HMG20A: variants seen among roughly 807,000 people sequenced by gnomAD.
HMG20A encodes the protein high mobility group protein 20A.
Under a neutral mutation model 43.9 loss-of-function variants are expected in HMG20A, and 17 were observed. The ratio of observed to expected loss-of-function variants is 0.39; its 90% CI spans 0.27 to 0.58. HMG20A has a LOEUF of 0.58. Ranked by LOEUF, HMG20A falls within the 20% of genes least tolerant of loss-of-function variation. The probability of loss-of-function intolerance (pLI) is 0.59; values close to 1 mark genes in which losing one functional copy is unlikely to be tolerated. For synonymous variants in HMG20A, 132 were observed against 147.5 expected (o/e 0.89, Z 0.76); for missense variants, 341 against 438.2 (o/e 0.78, Z 1.98).
At chr15:77,456,302 AG>A (rs2072653667) in intron 1 of HMG20A, among the ~76,000 whole-genome samples, 1 of 152,146 alleles carries the variant, frequency 6.6e-6, no homozygotes, top group South Asian at 2.1e-4. Flanking sequence ...TCTTCTTTTG[AG>A]GCATGGGAGC....
At chr15:77,513,263 ACTT>A in the HMG20A span, among the ~76,000 whole-genome samples, 7 of 152,200 alleles carry the variant, frequency 4.6e-5, no homozygotes, top group Admixed American at 1.3e-4. Context: ...ATCTGCTTAA[ACTT>A]CTTCTCAAAT....
chr15:77,435,880 T>A (rs1015978705), intron 1 of HMG20A, among the ~76,000 whole-genome samples: 1 of 152,090 alleles, frequency 6.6e-6, no homozygotes, highest in African/African-American at 2.4e-5. Context: ...CCTACCTCTG[T>A]TCATGTCCTT....
chr15:77,431,307 G>A (rs2142275197), intron 1 of HMG20A, among the ~76,000 whole-genome samples: 1 of 152,296 alleles, frequency 6.6e-6, no homozygotes, highest in Non-Finnish European at 1.5e-5. Flanking sequence ...TGCCTCCTGT[G>A]TTCAAGCGAT....
In HMG20A at chr15:77,475,562, G is replaced by A. The variant is rs140004366; in HGVS notation, c.616-1993G>A. On this transcript the variant is annotated intron_variant, in intron 6 of 9. Transcript: ENST00000336216. ...CCATCTAACTGGCAGATATTGAGAC[G>A]TATAGCTTAGGTAACTGATCTCATG... 7.5e-4 allele frequency among the ~76,000 whole-genome samples: 115 copies of A among 152,344 alleles called. 1 individual carries two copies. In the East Asian group the frequency reaches 0.018, roughly 24 times the overall value.
At chr15:77,482,843 C>T (rs1386277386) in intron 9 of HMG20A, 127 bp from the exon 10 acceptor site, 2 of 152,178 alleles carry the variant, frequency 1.3e-5, no homozygotes, top group African/African-American at 2.4e-5. Context: ...CTCACTTTAA[C>T]GCTTATGAAA....
chr15:77,463,764 G>C (rs1181781201), intron 2 of HMG20A, among the ~76,000 whole-genome samples: 1 of 152,316 alleles, frequency 6.6e-6, no homozygotes, highest in South Asian at 2.1e-4. Context: ...AATCCAAGAA[G>C]AAATAGCCAA....
At chr15:77,472,120 A>G (rs1047292282) in intron 6 of HMG20A, among the ~76,000 whole-genome samples, 5 of 152,234 alleles carry the variant, frequency 3.3e-5, no homozygotes, top group African/African-American at 1.2e-4. Flanking sequence ...GCTGAAAGCT[A>G]TAACATGACC....
intron 2 of HMG20A, among the ~76,000 whole-genome samples, chr15:77,461,895 C>T (rs988289884): frequency 2.0e-5 from 3 of 152,074 alleles, no homozygotes; most frequent in African/African-American, 7.2e-5. Context: ...ATTTGGAAAA[C>T]AGCACTGCAG....
intron 1 of HMG20A, among the ~76,000 whole-genome samples, chr15:77,432,971 G>C (rs1412628850): frequency 2.6e-5 from 4 of 152,028 alleles, no homozygotes; most frequent in African/African-American, 9.7e-5. Flanking sequence ...AGATGAAATG[G>C]ACAAATTGTT....
chr15:77,513,453 C>T, the HMG20A span, among the ~76,000 whole-genome samples: 3 of 152,202 alleles, frequency 2.0e-5, 1 homozygote, highest in East Asian at 3.8e-4. Context: ...TTAGAAACTA[C>T]CTGCATCAGT....
the HMG20A span, among the ~76,000 whole-genome samples, chr15:77,516,223 C>T: frequency 6.6e-6 from 1 of 152,166 alleles, no homozygotes; most frequent in Non-Finnish European, 1.5e-5. Context: ...CACGGCTGGC[C>T]ATGGTGAATG....
downstream of HMG20A, chr15:77,485,713 C>T (rs2072941655): frequency 6.6e-6 from 1 of 152,220 alleles, no homozygotes; most frequent in Non-Finnish European, 1.5e-5. Flanking sequence ...GCAGGCAGAT[C>T]ACGAGGTCAA....
At chr15:77,452,321 A>G (rs1388254145) in intron 1 of HMG20A, among the ~76,000 whole-genome samples, 4 of 152,216 alleles carry the variant, frequency 2.6e-5, no homozygotes, top group South Asian at 2.1e-4. Flanking sequence ...AACAAAACAT[A>G]TAACTAAGGG....
intron 2 of HMG20A, among the ~76,000 whole-genome samples, chr15:77,461,185 A>G (rs2072701789): frequency 6.6e-6 from 1 of 152,152 alleles, no homozygotes. Flanking sequence ...GGGGCTGAGA[A>G]ATGACACTGG....
the HMG20A span, among the ~76,000 whole-genome samples, chr15:77,491,359 C>A: frequency 6.6e-6 from 1 of 152,156 alleles, no homozygotes; most frequent in Non-Finnish European, 1.5e-5. Context: ...AAGACAACAA[C>A]CTATTTTTCT....
rs1007985180 is a variant in HMG20A at position 77,483,894 on chromosome 15, T to G, written c.*931T>G. On this transcript the variant is annotated 3_prime_UTR_variant, in exon 10 of 10. Transcript: ENST00000336216. ...AAACTGAGGGAATTCCTGTCTTCTT[T>G]AGGAGTAATGATTCATAGATCTAGA... is the stretch of plus-strand genomic sequence containing the variant. 2.0e-5 allele frequency: 3 copies of G among 152,266 alleles called. No homozygotes were observed. Among genetic ancestry groups the G allele is most frequent in the Non-Finnish European group, 4.4e-5 (3 of 68,050 alleles). 9.4% of individuals were successfully genotyped at this position (152,266 alleles called of 1,614,324 possible).
chr15:77,488,232 T>TCA (rs573019051), downstream of HMG20A, among the ~76,000 whole-genome samples: 3 of 151,966 alleles, frequency 2.0e-5, no homozygotes, highest in Non-Finnish European at 2.9e-5. Flanking sequence ...AATCTCTCTC[T>TCA]CACACACACA....
At chr15:77,458,116 ATACTTTTG>A in intron 1 of HMG20A, 1 of 243,154 alleles carries the variant, frequency 4.1e-6, no homozygotes. Flanking sequence ...CAGGAAATGA[ATACTTTTG>A]AAGATACTCT....
intron 1 of HMG20A, chr15:77,458,162 C>T: frequency 3.1e-6 from 1 of 322,876 alleles, no homozygotes; most frequent in Non-Finnish European, 5.7e-6. Context: ...TTTTCCAAAC[C>T]ACATCCCATT....
Sources: allele counts gnomAD v4.1 joint callset (sites outside exome capture counted in the v4.1 genomes callset), GRCh38; gene constraint gnomAD v4.1.1; transcripts MANE v1.5; gene names NCBI Gene and HGNC (gene_info 2026-07-23, HGNC 2026-07-21).